Variants in KANK1 observed in about 807,000 individuals in gnomAD.
The protein encoded by KANK1 is KN motif and ankyrin repeat domains 1, also known as KN motif and ankyrin repeat domain-containing protein 1.
A neutral mutation model predicts 106.2 loss-of-function variants in KANK1; 109 were observed. That is an observed-to-expected ratio of 1.03 (90% CI 0.88 to 1.20). KANK1 has a LOEUF of 1.20. KANK1 is among the 50% of genes most tolerant of loss of function. The pLI is 0.00. For missense variants in KANK1, 2,399 were observed against 1,710.7 expected (o/e 1.40, Z -7.10); for synonymous variants, 873 against 652.2 (o/e 1.34, Z -5.16).
intron 1 of KANK1, among the ~76,000 whole-genome samples, chr9:538,199 T>C (rs947650112): frequency 5.3e-5 from 8 of 151,934 alleles, no homozygotes; most frequent in African/African-American, 1.9e-4. Context: ...AAGTTAATAA[T>C]AGTGCCCAAC....
chr9:559,439 C>G (rs2134334623), intron 1 of KANK1, among the ~76,000 whole-genome samples: 1 of 151,526 alleles, frequency 6.6e-6, no homozygotes, highest in Non-Finnish European at 1.5e-5. Flanking sequence ...GATGCTTAGG[C>G]TGAGGGTGGT....
chr9:664,823 C>T (rs1477366435), intron 1 of KANK1, among the ~76,000 whole-genome samples: 1 of 152,182 alleles, frequency 6.6e-6, no homozygotes, highest in African/African-American at 2.4e-5. Flanking sequence ...TTCTCTGCAT[C>T]CTCACCAGCA....
At chr9:718,351 C>T (rs917474626) in intron 3 of KANK1, among the ~76,000 whole-genome samples, 2 of 131,762 alleles carry the variant, frequency 1.5e-5, no homozygotes, top group Admixed American at 8.5e-5. Flanking sequence ...CTCACTCTGT[C>T]ACCCAGGCTA....
chr9:637,334 T>TGTA (rs1258907099), intron 1 of KANK1, among the ~76,000 whole-genome samples: 1 of 152,220 alleles, frequency 6.6e-6, no homozygotes, highest in African/African-American at 2.4e-5. Flanking sequence ...GACAGTACTT[T>TGTA]GTTTAGAAAA....
At chr9:619,944 C>G (rs993271970) in intron 1 of KANK1, among the ~76,000 whole-genome samples, 2 of 151,964 alleles carry the variant, frequency 1.3e-5, no homozygotes, top group Non-Finnish European at 2.9e-5. Flanking sequence ...CGAGACCAGC[C>G]TGGCCAACAT....
chr9:595,511 G>T (rs1487146387), intron 1 of KANK1, among the ~76,000 whole-genome samples: 2 of 151,756 alleles, frequency 1.3e-5, no homozygotes, highest in Non-Finnish European at 2.9e-5. Context: ...TTATACATAA[G>T]AATTTTTTTC....
chr9:661,680 G>C (rs1469875564), intron 1 of KANK1, among the ~76,000 whole-genome samples: 1 of 152,212 alleles, frequency 6.6e-6, no homozygotes, highest in African/African-American at 2.4e-5. Context: ...TCTAATTCTA[G>C]ATCGTTGAGG....
intron 1 of KANK1, among the ~76,000 whole-genome samples, chr9:602,076 T>TA (rs1292548484): frequency 6.6e-6 from 1 of 151,912 alleles, no homozygotes; most frequent in Non-Finnish European, 1.5e-5. Context: ...GTTGAGTTGT[T>TA]AAAATCAATG....
At chr9:595,488 T>G (rs1825990183) in intron 1 of KANK1, among the ~76,000 whole-genome samples, 1 of 151,910 alleles carries the variant, frequency 6.6e-6, no homozygotes. Flanking sequence ...ATATAGGGTG[T>G]GCTTTTGGAC....
In KANK1 at chr9:735,845, G is replaced by C. The variant is rs529542940; in HGVS notation, c.3333+1010G>C. On this transcript the variant is annotated intron_variant, in intron 7 of 11. Transcript: ENST00000382297. ...CCTTTCTCTACTAAAAATACAAAAAGTTAGCCAGGCATGGTGGTACACCCG... is the reference window on the plus strand; with the variant it reads ...CCTTTCTCTACTAAAAATACAAAAACTTAGCCAGGCATGGTGGTACACCCG... 6.4e-4 allele frequency: 210 copies of C among 329,144 alleles called. 1 individual carries two copies. Among genetic ancestry groups the C allele is most frequent in the South Asian group, 4.7e-3 (202 of 43,102 alleles). The allele number at this position is 329,144 out of a possible 1,614,324, so 20.4% of individuals were successfully genotyped here.
At chr9:624,016 G>A (rs1310059974) in intron 1 of KANK1, among the ~76,000 whole-genome samples, 3 of 152,064 alleles carry the variant, frequency 2.0e-5, no homozygotes, top group Non-Finnish European at 2.9e-5. Flanking sequence ...AGAAAATGTG[G>A]TATATATATA....
At position 539,937 on chromosome 9, in the gene KANK1, G is replaced by A. The variant is rs116550274; in HGVS notation, c.-84+35183G>A. On this transcript the variant is annotated intron_variant, in intron 1 of 11. Coordinates refer to ENST00000382297, the MANE Select transcript of KANK1 (RefSeq NM_015158.5). ...CTGAGTTTATTCTAACAATCTTTTGGTGAAGTTCTGAAGGTTTTCTATATA... is the reference window on the plus strand; with the variant it reads ...CTGAGTTTATTCTAACAATCTTTTGATGAAGTTCTGAAGGTTTTCTATATA... Among the ~76,000 whole-genome samples, 1,128 of 152,164 alleles carry A rather than the reference G, an allele frequency of 7.4e-3. 9 individuals carry two copies. The highest frequency in any genetic ancestry group is 0.025 in the African/African-American group (1,024 of 41,524).
At chr9:694,764 GA>G (rs1251707496) in intron 2 of KANK1, among the ~76,000 whole-genome samples, 24 of 152,158 alleles carry the variant, frequency 1.6e-4, no homozygotes, top group Non-Finnish European at 2.5e-4. Flanking sequence ...CCCATGCCCA[GA>G]GTAGAATTGG....
At chr9:553,457 C>T (rs1457543243) in intron 1 of KANK1, among the ~76,000 whole-genome samples, 2 of 152,060 alleles carry the variant, frequency 1.3e-5, no homozygotes, top group Non-Finnish European at 2.9e-5. Flanking sequence ...TTTCTAAGAG[C>T]ACGCAGGTGG....
At chr9:593,425 A>G (rs889228614) in intron 1 of KANK1, among the ~76,000 whole-genome samples, 25 of 150,404 alleles carry the variant, frequency 1.7e-4, no homozygotes, top group Admixed American at 1.3e-3. Flanking sequence ...TTTTATGCTT[A>G]GTGGATATAT....
At chr9:479,881 C>T (rs956540665) in intron 3 of KANK1, among the ~76,000 whole-genome samples, 1 of 152,002 alleles carries the variant, frequency 6.6e-6, no homozygotes, top group Non-Finnish European at 1.5e-5. Context: ...TGAGCCCCCC[C>T]AGTAAGTATA....
At chr9:541,552 T>G (rs939539043) in intron 1 of KANK1, among the ~76,000 whole-genome samples, 1 of 152,116 alleles carries the variant, frequency 6.6e-6, no homozygotes, top group African/African-American at 2.4e-5. Context: ...TTCTTGACAT[T>G]AGCCTGGGCA....
chr9:627,258 C>T (rs1198540523), intron 1 of KANK1, among the ~76,000 whole-genome samples: 2 of 152,134 alleles, frequency 1.3e-5, no homozygotes, highest in Non-Finnish European at 2.9e-5. Context: ...ACCCCAGTCT[C>T]CATTCCCTCC....
At chr9:731,385 C>T in intron 5 of KANK1, 119 bp downstream of exon 5, 1 of 581,226 alleles carries the variant, frequency 1.7e-6, no homozygotes, top group Non-Finnish European at 3.1e-6. Flanking sequence ...GAAAGATTCC[C>T]TCCTCAGAAA....
Sources: allele counts gnomAD v4.1 joint callset (sites outside exome capture counted in the v4.1 genomes callset), GRCh38; gene constraint gnomAD v4.1.1; transcripts MANE v1.5; gene names NCBI Gene and HGNC (gene_info 2026-07-23, HGNC 2026-07-21).